The following COL4A6 variants were observed in gnomAD, a reference collection of about 807,000 sequenced individuals.
The protein encoded by COL4A6 is collagen alpha-6(IV) chain.
In COL4A6, 59 loss-of-function variants were observed where a neutral mutation model predicts 126.7. The ratio of observed to expected loss-of-function variants is 0.47; its 90% CI spans 0.38 to 0.58. The LOEUF (loss-of-function observed/expected upper bound fraction) is 0.58. Among genes scored for constraint, COL4A6 ranks in the 20% least tolerant of loss-of-function variants. The pLI, the probability that COL4A6 is intolerant of heterozygous loss-of-function variation, is 0.00. For missense variants in COL4A6, 1,285 were observed against 1,337.3 expected, an observed-to-expected ratio of 0.96 and a Z score of 0.61; for synonymous variants, 547 against 496.6, an observed-to-expected ratio of 1.10 and a Z score of -1.35.
chrX:108,338,402 A>G lies in COL4A6; in HGVS notation c.64-27574T>C, dbSNP rs149288966. ...AAAAGTAGAGAGGTCAGAACAAGGA[A>G]TAGTCTTGGGAATGAAGACTTGTAA... On this transcript the variant is annotated intron_variant, in intron 2 of 44. Coordinates refer to ENST00000334504, the MANE Select transcript of COL4A6 (RefSeq NM_033641.4). Among the ~76,000 whole-genome samples, 197 of 112,240 alleles carry G rather than the reference A, an allele frequency of 1.8e-3. 3 individuals are homozygous for G. The highest frequency in any genetic ancestry group is 0.013 in the Admixed American group (142 of 10,593).
chrX:108,199,652 AT>A (rs1358683603), intron 13 of COL4A6, among the ~76,000 whole-genome samples: 2 of 111,647 alleles, frequency 1.8e-5, no homozygotes, highest in African/African-American at 6.5e-5. Flanking sequence ...ATCACCGTGC[AT>A]TGTCGTCAGT....
chrX:108,189,277 T>C, intron 20 of COL4A6, among the ~76,000 whole-genome samples: 1 of 112,357 alleles, frequency 8.9e-6, no homozygotes, highest in Non-Finnish European at 1.9e-5. Flanking sequence ...AATAGTCTGT[T>C]CTTCAGATTA....
Position 108,159,661 on chromosome X carries a change from T to C in COL4A6, c.4613A>G (p.Asn1538Ser), listed in dbSNP as rs372796492. 12 of 1,210,493 alleles carry C rather than the reference T, an allele frequency of 9.9e-6. No homozygotes were observed. Among genetic ancestry groups the C allele is most frequent in the Non-Finnish European group, 1.3e-5 (12 of 895,329 alleles). ...AGTGGAGAGCCAGTAAGATTTATCA[T>C]TGCGCCTGGCATAGTGGCACACCTC... ...INEVCHYARR[N>S]DKSYWLSTTA... Residue 1538 changes from asparagine to serine, a missense_variant, in exon 44 of 45, where the codon AAT becomes AGT. By Grantham distance (46) the Asn-to-Ser change is conservative. Transcript: ENST00000334504.
chrX:108,417,960 T>C (rs1007629331), intron 2 of COL4A6, among the ~76,000 whole-genome samples: 12 of 112,202 alleles, frequency 1.1e-4, no homozygotes, highest in Admixed American at 9.5e-4. Context: ...AAAAAACAAG[T>C]ACTGGTAAAA....
At chrX:108,342,165 G>A (rs1254195466) in intron 2 of COL4A6, among the ~76,000 whole-genome samples, 2 of 111,868 alleles carry the variant, frequency 1.8e-5, no homozygotes, top group Admixed American at 9.5e-5. Flanking sequence ...GACCATTAGA[G>A]TTGGCTGCCA....
chrX:108,314,119 C>G (rs1477934705), intron 2 of COL4A6, among the ~76,000 whole-genome samples: 1 of 111,885 alleles, frequency 8.9e-6, no homozygotes, highest in Non-Finnish European at 1.9e-5. Context: ...CTCTATCCTT[C>G]AGGATGCATA....
intron 2 of COL4A6, chrX:108,383,529 CT>C: frequency 4.6e-6 from 2 of 439,201 alleles, no homozygotes; most frequent in Non-Finnish European, 8.2e-6. Context: ...TTTTGCATTC[CT>C]GTGGCTTAGA....
intron 15 of COL4A6, 44 bp downstream of exon 15, chrX:108,195,038 T>C: frequency 9.3e-7 from 1 of 1,080,177 alleles, no homozygotes; most frequent in Non-Finnish European, 1.3e-6. Context: ...GACTTTTGAT[T>C]GGGATTTTAT....
chrX:108,389,654 C>A (rs2040786058), intron 2 of COL4A6, among the ~76,000 whole-genome samples: 1 of 110,981 alleles, frequency 9.0e-6, no homozygotes, highest in Non-Finnish European at 1.9e-5. Context: ...CTGAATATAG[C>A]ACCCTGATAG....
chrX:108,386,942 A>G (rs757979743), intron 2 of COL4A6, among the ~76,000 whole-genome samples: 4 of 112,014 alleles, frequency 3.6e-5, no homozygotes, highest in Non-Finnish European at 7.5e-5. Context: ...ATGGCTAGAC[A>G]GCTCTCCCAA....
rs763620483 is a variant in COL4A6, at chrX:108,179,178, T to G, written c.2353+39A>C. The G allele has an allele frequency of 6.2e-6, 7 of 1,134,005 alleles. No homozygotes were observed. In the South Asian group the frequency reaches 1.3e-4, roughly 21 times the overall value. The allele number at this position is 1,134,005 out of a possible 1,213,427, so 93.5% of individuals were successfully genotyped here. A position where few individuals can be genotyped will look rare whatever the true frequency, so the allele number is the denominator to read the frequency against. On this transcript the variant is annotated intron_variant, in intron 26 of 44. Coordinates refer to ENST00000334504, the MANE Select transcript of COL4A6 (RefSeq NM_033641.4). ...GAAGTATACGAATTAATATAAGGCT[T>G]TCTGTAGATTGTTAAATAATTGGGG...
At chrX:108,164,848 G>A (rs2034073176) in intron 39 of COL4A6, 29 bp downstream of exon 39, 1 of 1,189,252 alleles carries the variant, frequency 8.4e-7, no homozygotes, top group Non-Finnish European at 1.1e-6. Flanking sequence ...GAGTGGGGAA[G>A]GGCCCAGCAG....
At chrX:108,267,057 T>C (rs1382177143) in intron 3 of COL4A6, among the ~76,000 whole-genome samples, 2 of 112,350 alleles carry the variant, frequency 1.8e-5, no homozygotes, top group Admixed American at 9.4e-5. Flanking sequence ...ATTGGCAGAA[T>C]GGCATTTCTT....
At chrX:108,245,091 A>G (rs1027041449) in intron 3 of COL4A6, among the ~76,000 whole-genome samples, 6 of 112,549 alleles carry the variant, frequency 5.3e-5, no homozygotes, top group Middle Eastern at 4.2e-3. Flanking sequence ...TCATCAGTAC[A>G]TGTGACAAGA....
chrX:108,407,809 C>T (rs1310632337), intron 2 of COL4A6, among the ~76,000 whole-genome samples: 4 of 112,368 alleles, frequency 3.6e-5, no homozygotes, highest in Middle Eastern at 4.2e-3. Flanking sequence ...GTATGATTTA[C>T]GGAATTCAAA....
At chrX:108,406,559 A>G in intron 2 of COL4A6, among the ~76,000 whole-genome samples, 1 of 112,260 alleles carries the variant, frequency 8.9e-6, no homozygotes, top group East Asian at 2.8e-4. Context: ...CTCTCTAACA[A>G]TGAACTACTT....
chrX:108,240,993 G>C (rs1442596532), intron 3 of COL4A6, among the ~76,000 whole-genome samples: 1 of 110,769 alleles, frequency 9.0e-6, no homozygotes, highest in African/African-American at 3.3e-5. Context: ...ACTGGGTGGG[G>C]GCATATAGGA....
At chrX:108,257,459 T>C (rs2037036315) in intron 3 of COL4A6, among the ~76,000 whole-genome samples, 1 of 111,766 alleles carries the variant, frequency 8.9e-6, no homozygotes, top group Non-Finnish European at 1.9e-5. Context: ...TCTCAGCTAA[T>C]GACTGTGCAT....
chrX:108,366,693 C>A (rs1312976320), intron 2 of COL4A6, among the ~76,000 whole-genome samples: 1 of 111,835 alleles, frequency 8.9e-6, no homozygotes, highest in Non-Finnish European at 1.9e-5. Context: ...TAGCATCAAA[C>A]TCTGCTCCCT....
Sources: allele counts gnomAD v4.1 joint callset (sites outside exome capture counted in the v4.1 genomes callset), GRCh38; gene constraint gnomAD v4.1.1; transcripts MANE v1.5; gene names NCBI Gene and HGNC (gene_info 2026-07-23, HGNC 2026-07-21).